CDH23: variants seen among roughly 807,000 people sequenced by gnomAD.
CDH23 encodes the protein cadherin related 23.
Under a neutral mutation model 317.1 loss-of-function variants are expected in CDH23, and 189 were observed. The ratio of observed to expected loss-of-function variants is 0.60; its 90% CI spans 0.53 to 0.67. The LOEUF is 0.67. CDH23 is among the 30% of genes least tolerant of loss of function. CDH23 has a pLI of 0.00. For missense variants in CDH23, 4,401 were observed against 4,592.4 expected, an observed-to-expected ratio of 0.96 and a Z score of 1.20; for synonymous variants, 1,839 against 1,876.8, an observed-to-expected ratio of 0.98 and a Z score of 0.52.
chr10:71,730,126 C>T (rs184630085), intron 30 of CDH23, among the ~76,000 whole-genome samples: 43 of 152,274 alleles, frequency 2.8e-4, no homozygotes, highest in African/African-American at 9.6e-4. Context: ...CGTGAGCCAC[C>T]GCGCCCGGCC....
chr10:71,799,326 C>G, intron 51 of CDH23, 46 bp downstream of exon 51: 1 of 1,612,344 alleles, frequency 6.2e-7, no homozygotes, highest in Non-Finnish European at 8.5e-7. Flanking sequence ...GCGCCCATTC[C>G]TTGGGGTCTT....
At chr10:71,658,222 G>C (rs1399562826) in intron 14 of CDH23, among the ~76,000 whole-genome samples, 1 of 152,140 alleles carries the variant, frequency 6.6e-6, no homozygotes, top group Non-Finnish European at 1.5e-5. Flanking sequence ...AAATGGCGTG[G>C]AGTGAGAGGT....
At chr10:71,501,043 T>C (rs1265458528) in intron 3 of CDH23, among the ~76,000 whole-genome samples, 3 of 151,952 alleles carry the variant, frequency 2.0e-5, no homozygotes, top group Non-Finnish European at 4.4e-5. Flanking sequence ...AACTTTTGTA[T>C]TTTTAGTAGA....
intron 9 of CDH23, among the ~76,000 whole-genome samples, chr10:71,581,582 G>T (rs1858638591): frequency 6.6e-6 from 1 of 152,228 alleles, no homozygotes; most frequent in African/African-American, 2.4e-5. Flanking sequence ...GTTTTGCCAA[G>T]AACAAAGAGG....
chr10:71,757,387 C>T (rs548393787), intron 38 of CDH23, among the ~76,000 whole-genome samples: 2 of 152,312 alleles, frequency 1.3e-5, no homozygotes, highest in South Asian at 2.1e-4. Context: ...GGCTTCCTTA[C>T]GATCTGGGCT....
chr10:71,481,884 C>T (rs1432912919), intron 3 of CDH23, among the ~76,000 whole-genome samples: 2 of 152,156 alleles, frequency 1.3e-5, no homozygotes, highest in African/African-American at 4.8e-5. Flanking sequence ...TGACTGAGCC[C>T]CTGCCAGCCC....
chr10:71,492,931 G>A (rs1342642432), intron 3 of CDH23, among the ~76,000 whole-genome samples: 4 of 152,196 alleles, frequency 2.6e-5, no homozygotes, highest in East Asian at 3.9e-4. Flanking sequence ...GCAGCAACAA[G>A]GCCAAAGAAG....
chr10:71,755,460 G>A (rs140683459), intron 38 of CDH23: 35 of 1,610,374 alleles, frequency 2.2e-5, no homozygotes, highest in Non-Finnish European at 2.6e-5. Context: ...GGCTGCAGCC[G>A]TGATGTCTGA....
chr10:71,434,779 G>A (rs1849544121), intron 1 of CDH23, among the ~76,000 whole-genome samples: 1 of 152,176 alleles, frequency 6.6e-6, no homozygotes, highest in Admixed American at 6.5e-5. Context: ...AGCGGGTGAG[G>A]AGGGGGGAGA....
chr10:71,706,634 C>G (rs1356731479), intron 25 of CDH23, among the ~76,000 whole-genome samples: 1 of 152,240 alleles, frequency 6.6e-6, no homozygotes, highest in Non-Finnish European at 1.5e-5. Context: ...TCTCTCCTCC[C>G]TTTGACAGCT....
Position 71,788,927 on chromosome 10 carries a change from C to T in CDH23, c.5821-13C>T, listed in dbSNP as rs117317626. The T allele has an allele frequency of 9.2e-4, 1,301 of 1,412,510 alleles. 16 individuals carry two copies. In the East Asian group the frequency reaches 0.026, roughly 29 times the overall value. The allele number at this position is 1,412,510 out of a possible 1,614,324, so 87.5% of individuals were successfully genotyped here. A position where few individuals can be genotyped will look rare whatever the true frequency, so the allele number is the denominator to read the frequency against. On this transcript the variant is annotated splice_polypyrimidine_tract_variant and intron_variant, in intron 44 of 69. Coordinates refer to ENST00000224721, the MANE Select transcript of CDH23 (RefSeq NM_022124.6). ...AGCATGGCCTACAACGTGCCCCATT[C>T]TGCCCCTTGCAGGATTATGACTTGC...
At chr10:71,716,716 G>C (rs1041206620) in intron 28 of CDH23, 1 of 194,282 alleles carries the variant, frequency 5.1e-6, no homozygotes, top group Admixed American at 6.0e-5. Context: ...GGCCAGGAAC[G>C]AGTTATGGAT....
At chr10:71,582,396 A>T (rs1858703196) in intron 9 of CDH23, among the ~76,000 whole-genome samples, 1 of 152,248 alleles carries the variant, frequency 6.6e-6, no homozygotes, top group African/African-American at 2.4e-5. Context: ...TTTTATATTG[A>T]TGACATGTTG....
At chr10:71,638,886 G>A (rs1270892972) in intron 11 of CDH23, among the ~76,000 whole-genome samples, 1 of 152,212 alleles carries the variant, frequency 6.6e-6, no homozygotes, top group Admixed American at 6.5e-5. Context: ...ATGGGAGGCA[G>A]GGAGGGGGCA....
chr10:71,669,167 G>A (rs938910547), intron 14 of CDH23, among the ~76,000 whole-genome samples: 6 of 152,182 alleles, frequency 3.9e-5, no homozygotes, highest in Admixed American at 1.3e-4. Context: ...GAGGCTGATG[G>A]GGAGGCAGAG....
chr10:71,754,481 G>A (rs1423024945), intron 38 of CDH23, among the ~76,000 whole-genome samples: 2 of 152,148 alleles, frequency 1.3e-5, no homozygotes, highest in African/African-American at 4.8e-5. Context: ...AGGGAGGGGA[G>A]GCAAGGGTAA....
At chr10:71,727,669 A>G (rs114759099) in intron 30 of CDH23, among the ~76,000 whole-genome samples, 4 of 152,098 alleles carry the variant, frequency 2.6e-5, no homozygotes, top group Non-Finnish European at 4.4e-5. Context: ...ACATACACAC[A>G]CACACACGCA....
At position 71,688,934 on chromosome 10, in the gene CDH23, G is replaced by C. The variant is rs111218045; in HGVS notation, c.2059+1215G>C. Among the ~76,000 whole-genome samples the C allele has an allele frequency of 3.1e-5, 3 of 97,562 alleles. 1 individual carries two copies. Among genetic ancestry groups the C allele is most frequent in the Non-Finnish European group, 7.7e-5 (3 of 39,040 alleles). 64.0% of individuals were successfully genotyped at this position (97,562 alleles called of 152,430 possible). ...AGCCAGGGGTGGTGGAGCCAGGGGTGGTGGAGCCAACGGTGGTGGAGTCAG... is the reference window on the plus strand; with the variant it reads ...AGCCAGGGGTGGTGGAGCCAGGGGTCGTGGAGCCAACGGTGGTGGAGTCAG... On this transcript the variant is annotated intron_variant, in intron 19 of 69. Transcript: ENST00000224721.
chr10:71,586,850 A>G (rs1451608033), intron 9 of CDH23, among the ~76,000 whole-genome samples: 1 of 152,194 alleles, frequency 6.6e-6, no homozygotes, highest in Non-Finnish European at 1.5e-5. Flanking sequence ...CCTCGATAGT[A>G]TATATCCAAG....
Sources: gnomAD v4.1 joint callset for allele counts (sites outside exome capture counted in the v4.1 genomes callset) on GRCh38, gnomAD v4.1.1 for gene constraint, MANE v1.5 for transcripts, NCBI Gene and HGNC (gene_info 2026-07-23, HGNC 2026-07-21) for gene names.